The following IFT43 variants were observed in gnomAD, a reference collection of about 807,000 sequenced individuals.
IFT43 encodes intraflagellar transport protein 43 homolog.
Under a neutral mutation model 32.3 loss-of-function variants are expected in IFT43, and 33 were observed. The observed-to-expected ratio is 1.02, with a 90% CI of 0.77 to 1.37. The LOEUF is 1.37. IFT43 is among the 40% of genes most tolerant of loss of function. IFT43 has a pLI of 0.00. For synonymous variants in IFT43, 93 were observed against 98.2 expected (o/e 0.95, Z 0.31); for missense variants, 274 against 265.9 (o/e 1.03, Z -0.21).
Position 76,083,386 on chromosome 14 carries a change from G to A in IFT43, c.508-72G>A, listed in dbSNP as rs527652487. The A allele has an allele frequency of 1.2e-5, 19 of 1,613,924 alleles. No individual in the cohort carries two copies. In the African/African-American group the frequency reaches 2.1e-4, roughly 18 times the overall value. On this transcript the variant is annotated intron_variant, in intron 8 of 8. Transcript: ENST00000314067. ...CCTGTGCCTCCCTGAGGCCTGGATG[G>A]GAGGGAGAAGTCAGCTACAGTTGAG...
In IFT43 at chr14:76,040,220, GAT is replaced by G. The variant is rs2036681651; in HGVS notation, c.215+17827_215+17828del. The stretch of plus-strand genomic sequence containing the variant: ...GTACTTTGGCCTCTCAAAGTACTGG[GAT>G]TACAGGTGTGAGTCACTGTGCCTGG... On this transcript the variant is annotated intron_variant, in intron 3 of 8. Transcript: ENST00000314067. Among the ~76,000 whole-genome samples the G allele has an allele frequency of 2.0e-5, 3 of 152,192 alleles. No homozygotes were observed. In the South Asian group the frequency reaches 6.2e-4, roughly 32 times the overall value.
At chr14:76,009,105 T>C (rs1057232766) in intron 2 of IFT43, among the ~76,000 whole-genome samples, 3 of 152,212 alleles carry the variant, frequency 2.0e-5, no homozygotes, top group African/African-American at 7.2e-5. Flanking sequence ...TCAGCCCAGA[T>C]TGGTTGTTTT....
intron 5 of IFT43, among the ~76,000 whole-genome samples, chr14:76,081,025 A>G (rs2037501283): frequency 6.6e-6 from 1 of 151,228 alleles, no homozygotes; most frequent in South Asian, 2.1e-4. Flanking sequence ...TTTCTGTTGA[A>G]TTTTCTCTGT....
chr14:76,040,561 A>AG (rs1407061369), intron 3 of IFT43, among the ~76,000 whole-genome samples: 1 of 152,160 alleles, frequency 6.6e-6, no homozygotes. Context: ...GAGCAAGCAG[A>AG]GATGTTCTAG....
chr14:76,082,443 C>A, intron 6 of IFT43, 76 bp downstream of exon 6: 1 of 476,286 alleles, frequency 2.1e-6, no homozygotes, highest in Non-Finnish European at 3.4e-6. Context: ...CTATAGTGGA[C>A]CTTGATGTCA....
rs1208822237 is a variant in IFT43, at chr14:76,044,055, G to GT, written c.216-14575dup. Among the ~76,000 whole-genome samples the GT allele has an allele frequency of 5.0e-3, 707 of 141,924 alleles. 4 individuals carry two copies. Among genetic ancestry groups the GT allele is most frequent in the Middle Eastern group, 0.014 (4 of 280 alleles). The allele number at this position is 141,924 out of a possible 152,430, so 93.1% of individuals were successfully genotyped here. ...ATATGTTATTTCTCTTTTTTTTTTG[G>GT]TTTTTTTTTTTTGAAACAGAGTCTT... On this transcript the variant is annotated intron_variant, in intron 3 of 8. Transcript: ENST00000314067.
chr14:76,065,695 T>C (rs2140068116), intron 5 of IFT43, among the ~76,000 whole-genome samples: 1 of 152,364 alleles, frequency 6.6e-6, no homozygotes, highest in Non-Finnish European at 1.5e-5. Flanking sequence ...TGTATTTTCA[T>C]TGCTGAATAG....
At chr14:75,986,732 T>A (rs2035537791) in intron 1 of IFT43, among the ~76,000 whole-genome samples, 1 of 152,222 alleles carries the variant, frequency 6.6e-6, no homozygotes, top group African/African-American at 2.4e-5. Flanking sequence ...GGCCTTTTTA[T>A]CTTTAAAACT....
chr14:75,986,307 C>T (rs1341066634), intron 1 of IFT43: 5 of 1,245,070 alleles, frequency 4.0e-6, no homozygotes, highest in Middle Eastern at 4.8e-4. Flanking sequence ...CCTTTCTTCC[C>T]GGTAATCCCC....
chr14:76,027,609 T>C (rs2036427233), intron 3 of IFT43, among the ~76,000 whole-genome samples: 2 of 150,578 alleles, frequency 1.3e-5, no homozygotes. Flanking sequence ...CTCGGGAGGC[T>C]GAGGCAGGAG....
At chr14:76,071,512 C>G (rs1299422756) in intron 5 of IFT43, among the ~76,000 whole-genome samples, 1 of 152,128 alleles carries the variant, frequency 6.6e-6, no homozygotes, top group Admixed American at 6.5e-5. Flanking sequence ...TTTGCCAAGC[C>G]TGTGGTGTAA....
chr14:76,019,535 A>G (rs921687356), intron 2 of IFT43, among the ~76,000 whole-genome samples: 12 of 152,072 alleles, frequency 7.9e-5, no homozygotes, highest in Non-Finnish European at 4.4e-5. Flanking sequence ...TTTGATTATA[A>G]TGTGCCTTGG....
intron 2 of IFT43, among the ~76,000 whole-genome samples, chr14:75,998,039 C>T (rs12884365): frequency 1.3e-5 from 2 of 152,254 alleles, no homozygotes; most frequent in African/African-American, 4.8e-5. Flanking sequence ...CCTCATTTCA[C>T]ACCTGTCAGC....
At chr14:76,075,119 G>A (rs764836807) in intron 5 of IFT43, among the ~76,000 whole-genome samples, 2 of 152,224 alleles carry the variant, frequency 1.3e-5, no homozygotes, top group African/African-American at 2.4e-5. Context: ...CTCCTGCATG[G>A]CTCCTGACCA....
intron 5 of IFT43, among the ~76,000 whole-genome samples, chr14:76,060,283 T>A (rs1566730243): frequency 6.6e-6 from 1 of 152,108 alleles, no homozygotes; most frequent in Non-Finnish European, 1.5e-5. Flanking sequence ...AGTGGTGCAA[T>A]CTTGGCTCAC....
At chr14:75,992,729 C>T (rs1259496025) in intron 2 of IFT43, among the ~76,000 whole-genome samples, 5 of 151,968 alleles carry the variant, frequency 3.3e-5, no homozygotes, top group Non-Finnish European at 5.9e-5. Context: ...TTTGTAGAGA[C>T]GAAGACTTGT....
chr14:76,005,624 C>T (rs1356998762), intron 2 of IFT43, among the ~76,000 whole-genome samples: 1 of 152,208 alleles, frequency 6.6e-6, no homozygotes, highest in Non-Finnish European at 1.5e-5. Flanking sequence ...GGATTTTCCC[C>T]TATTTCTAGC....
intron 3 of IFT43, among the ~76,000 whole-genome samples, chr14:76,033,487 A>C (rs1397025815): frequency 6.6e-6 from 1 of 152,072 alleles, no homozygotes; most frequent in African/African-American, 2.4e-5. Context: ...GGGAATGGGG[A>C]CTTTAGAGAA....
intron 2 of IFT43, among the ~76,000 whole-genome samples, chr14:75,989,309 G>T (rs749264924): frequency 6.6e-6 from 1 of 152,006 alleles, no homozygotes; most frequent in Non-Finnish European, 1.5e-5. Flanking sequence ...AGGCAGACTG[G>T]TGACGTAAGG....
Sources: gnomAD v4.1 joint callset for allele counts (sites outside exome capture counted in the v4.1 genomes callset) on GRCh38, gnomAD v4.1.1 for gene constraint, MANE v1.5 for transcripts, NCBI Gene and HGNC (gene_info 2026-07-23, HGNC 2026-07-21) for gene names.